SYCP2: variants seen among roughly 807,000 people sequenced by gnomAD.
SYCP2 encodes the protein synaptonemal complex protein 2.
SYCP2 carries 55 observed loss-of-function variants against 211.3 expected under a neutral mutation model. The ratio of observed to expected loss-of-function variants is 0.26; its 90% confidence interval spans 0.21 to 0.33. SYCP2 has a LOEUF of 0.33. Among genes scored for constraint, SYCP2 ranks in the 10% least tolerant of loss-of-function variants. The pLI is 1.00. For missense variants in SYCP2, 1,731 were observed against 1,752.0 expected, an observed-to-expected ratio of 0.99 and a Z score of 0.21; for synonymous variants, 570 against 555.2, an observed-to-expected ratio of 1.03 and a Z score of -0.37.
chr20:59,932,805 C>T (rs931192476), intron 1 of SYCP2, among the ~76,000 whole-genome samples: 1 of 152,166 alleles, frequency 6.6e-6, no homozygotes, highest in Non-Finnish European at 1.5e-5. Flanking sequence ...CGCATCAGGC[C>T]CAGCTGCGCG....
intron 17 of SYCP2, 81 bp from the exon 18 acceptor site, chr20:59,900,365 C>A: frequency 8.4e-7 from 1 of 1,188,724 alleles, no homozygotes; most frequent in South Asian, 1.6e-5. Context: ...GTCTTAAGCT[C>A]CTACTCATCT....
rs1353010605 is a variant in SYCP2 at position 59,879,844 on chromosome 20, TATATATATATATATATATAC to T, written c.2941+439_2941+458del. 7.9e-3 allele frequency among the ~76,000 whole-genome samples: 1,015 copies of T among 127,886 alleles called. 17 individuals carry two copies. The highest frequency in any genetic ancestry group is 0.033 in the African/African-American group (945 of 28,854). 83.9% of individuals were successfully genotyped at this position (127,886 alleles called of 152,430 possible). A position where few individuals can be genotyped will look rare whatever the true frequency, so the allele number is the denominator to read the frequency against. On this transcript the variant is annotated intron_variant, in intron 31 of 44. Transcript: ENST00000357552. ...ATAAATATATATATATATATATATATATATATATATATATATATACACACACACACACACAAACATATAAA... is the reference window on the plus strand; with the variant it reads ...ATAAATATATATATATATATATATATACACACACACACACAAACATATAAA...
chr20:59,877,309 T>C (rs983711028), intron 33 of SYCP2, 76 bp downstream of exon 33: 21 of 1,010,064 alleles, frequency 2.1e-5, no homozygotes, highest in Middle Eastern at 3.5e-4. Context: ...CAGGATAAAT[T>C]TGACATTTTT....
intron 14 of SYCP2, among the ~76,000 whole-genome samples, chr20:59,909,293 CA>C (rs1485992150): frequency 6.6e-6 from 1 of 152,180 alleles, no homozygotes; most frequent in Non-Finnish European, 1.5e-5. Context: ...TCCAGCTACC[CA>C]AATTTTAGTA....
At position 59,895,507 on chromosome 20, in the gene SYCP2, C is replaced by G; in HGVS notation, c.1595G>C (p.Arg532Thr). The G allele has an allele frequency of 1.2e-6, 2 of 1,613,278 alleles. No individual in the cohort carries two copies. Among genetic ancestry groups the G allele is most frequent in the Admixed American group, 3.3e-5 (2 of 59,952 alleles). The change falls in exon 20 of 45, where the codon AGA becomes ACA. Residue 532 changes from arginine (R) to threonine (T), a missense_variant. This residue lies in a region of SYCP2 where 1,387 missense variants were observed against 1,351.3 expected (regional missense o/e 1.03). Coordinates refer to ENST00000357552, the MANE Select transcript of SYCP2 (RefSeq NM_014258.4). ...TTTCAGTGATGCAGCATTATCCACT[C>G]TATTTTCTGATGTTTGAGAAACACT... ...KPSVSQTSEN[R>T]VDNAASLKSR...
At position 59,916,546 on chromosome 20, in the gene SYCP2, G is replaced by A. The variant is rs2060446195; in HGVS notation, c.453C>T (p.Phe151=). 5.6e-6 allele frequency: 9 copies of A among 1,609,026 alleles called. No homozygotes were observed. The highest frequency in any genetic ancestry group is 2.2e-5 in the South Asian group (2 of 90,944). ...TAACCAGGGAACAAATGCGAGGTACGAAACTTTCCACTACTTGTTTTTTAC... is the reference window on the plus strand; with the variant it reads ...TAACCAGGGAACAAATGCGAGGTACAAAACTTTCCACTACTTGTTTTTTAC... ...DEGKKQVVES[F]VPRICSLVID... is the part of the protein sequence containing the mutation. Residue 151 remains phenylalanine, a synonymous_variant, in exon 8 of 45, where the codon TTC becomes TTT. Coordinates refer to ENST00000357552, the MANE Select transcript of SYCP2 (RefSeq NM_014258.4).
intron 15 of SYCP2, among the ~76,000 whole-genome samples, chr20:59,904,520 C>T (rs1417657225): frequency 6.6e-6 from 1 of 152,088 alleles, no homozygotes; most frequent in Non-Finnish European, 1.5e-5. Context: ...GTCCTTCAGC[C>T]CCTCTGCCTA....
chr20:59,877,184 T>C, intron 33 of SYCP2, among the ~76,000 whole-genome samples: 1 of 152,096 alleles, frequency 6.6e-6, no homozygotes, highest in East Asian at 1.9e-4. Flanking sequence ...CAGACATCTG[T>C]TTTGTAAAAA....
At chr20:59,929,581 T>C (rs2060696347) in intron 2 of SYCP2, among the ~76,000 whole-genome samples, 1 of 152,148 alleles carries the variant, frequency 6.6e-6, no homozygotes, top group South Asian at 2.1e-4. Flanking sequence ...AGAAGATCTG[T>C]ATCTCAGAAT....
At chr20:59,893,069 C>T in intron 22 of SYCP2, 73 bp downstream of exon 22, 2 of 1,060,046 alleles carry the variant, frequency 1.9e-6, no homozygotes, top group South Asian at 1.5e-5. Flanking sequence ...AGTCCTTTTC[C>T]TCCAAATCTG....
intron 24 of SYCP2, among the ~76,000 whole-genome samples, chr20:59,889,246 AT>A (rs142285265): frequency 0.034 from 5,195 of 151,956 alleles, 255 homozygotes; most frequent in African/African-American, 0.11. Flanking sequence ...GTTAATAATC[AT>A]TATGTATCAA....
At chr20:59,876,750 C>A (rs1341196768) in intron 33 of SYCP2, among the ~76,000 whole-genome samples, 4 of 151,870 alleles carry the variant, frequency 2.6e-5, no homozygotes, top group Admixed American at 2.6e-4. Context: ...ACATTGTAAG[C>A]ACTACATATA....
At chr20:59,924,238 C>A (rs564885465) in intron 2 of SYCP2, among the ~76,000 whole-genome samples, 4 of 152,036 alleles carry the variant, frequency 2.6e-5, no homozygotes, top group Non-Finnish European at 5.9e-5. Context: ...ATTAACTACC[C>A]TAGCCTAAGG....
chr20:59,919,390 C>A, intron 6 of SYCP2, 103 bp downstream of exon 6: 1 of 868,582 alleles, frequency 1.2e-6, no homozygotes, highest in South Asian at 1.5e-5. Context: ...AAGTCACCAA[C>A]CAATCTGTTA....
chr20:59,865,301 GAA>G, intron 44 of SYCP2, 85 bp downstream of exon 44: 1 of 1,050,012 alleles, frequency 9.5e-7, no homozygotes, highest in Non-Finnish European at 1.4e-6. Flanking sequence ...AAAAGAAAAA[GAA>G]AGACATAAAA....
intron 31 of SYCP2, 97 bp downstream of exon 31, chr20:59,880,206 A>T (rs2059648950): frequency 2.1e-6 from 2 of 954,328 alleles, no homozygotes. Context: ...TGTAGTAATG[A>T]ACAGTCTAAA....
rs71183188 is a variant in SYCP2 at position 59,876,411 on chromosome 20, A to AAAAAG, written c.3151-943_3151-942insCTTTT. On this transcript the variant is annotated intron_variant, in intron 33 of 44. Transcript: ENST00000357552. ...AAAAAAAAAAAAAAAAAAAAAAAAAAGAAGAAGTGATAGAAAATGTAGACC... is the reference window on the plus strand; with the variant it reads ...AAAAAAAAAAAAAAAAAAAAAAAAAAAAAAGGAAGAAGTGATAGAAAATGTAGACC... 5.7e-5 allele frequency among the ~76,000 whole-genome samples: 8 copies of AAAAAG among 139,680 alleles called. No individual in the cohort carries two copies. In the East Asian group the frequency reaches 1.0e-3, roughly 18 times the overall value. The allele number at this position is 139,680 out of a possible 152,430, so 91.6% of individuals were successfully genotyped here. A position where few individuals can be genotyped will look rare whatever the true frequency, so the allele number is the denominator to read the frequency against.
At chr20:59,919,025 G>A (rs2060492394) in intron 7 of SYCP2, 133 bp downstream of exon 7, 2 of 478,510 alleles carry the variant, frequency 4.2e-6, no homozygotes, top group African/African-American at 2.1e-5. Flanking sequence ...GCCCTTTACA[G>A]TAAAAGTTTG....
Position 59,895,551 on chromosome 20 carries a change from C to A in SYCP2, c.1551G>T (p.Thr517=), listed in dbSNP as rs781479637. 1 of 1,610,530 alleles carries A rather than the reference C, an allele frequency of 6.2e-7. No homozygotes were observed. The highest frequency in any genetic ancestry group is 1.1e-5 in the South Asian group (1 of 90,898). Residue 517 remains threonine (T), a synonymous_variant, in exon 20 of 45, where the codon ACG becomes ACT. Coordinates refer to ENST00000357552, the MANE Select transcript of SYCP2 (RefSeq NM_014258.4). ...AAACACTAGGTTTCTCTGCAGAGCT[C>A]GTCATTTGCAGTGGTGGTTTAATTC... The part of the protein sequence containing the change: ...RRRIKPPLQM[T]SSAEKPSVSQ...
Sources: gnomAD v4.1 joint callset for allele counts (sites outside exome capture counted in the v4.1 genomes callset) on GRCh38, gnomAD v4.1.1 for gene constraint, gnomAD v4.1.1 regional missense constraint, MANE v1.5 for transcripts, NCBI Gene and HGNC (gene_info 2026-07-23, HGNC 2026-07-21) for gene names.